The following PARD3 variants were observed in gnomAD, a reference collection of about 807,000 sequenced individuals.
The protein encoded by PARD3 is par-3 family cell polarity regulator.
A neutral mutation model predicts 155.4 loss-of-function variants in PARD3; 75 were observed. That is an observed-to-expected ratio of 0.48 (90% CI 0.40 to 0.58). The LOEUF (loss-of-function observed/expected upper bound fraction) is 0.58. PARD3 is among the 20% of genes least tolerant of loss of function. PARD3 has a pLI of 0.00. For synonymous variants in PARD3, 576 were observed against 610.5 expected, an observed-to-expected ratio of 0.94 and a Z score of 0.83; for missense variants, 1,642 against 1,721.7, an observed-to-expected ratio of 0.95 and a Z score of 0.82.
intron 1 of PARD3, among the ~76,000 whole-genome samples, chr10:34,773,845 T>C (rs1027763765): frequency 6.6e-6 from 1 of 152,134 alleles, no homozygotes; most frequent in Non-Finnish European, 1.5e-5. Context: ...CATAATTGTT[T>C]TGCATTTTCA....
chr10:34,268,419 C>T (rs1369163765), intron 22 of PARD3, among the ~76,000 whole-genome samples: 2 of 144,072 alleles, frequency 1.4e-5, no homozygotes, highest in African/African-American at 5.4e-5. Flanking sequence ...CCCAGCCATC[C>T]TATTACTGGG....
intron 19 of PARD3, among the ~76,000 whole-genome samples, chr10:34,320,668 T>C (rs765097708): frequency 2.0e-5 from 3 of 152,228 alleles, no homozygotes; most frequent in Non-Finnish European, 2.9e-5. Context: ...TAACACAACT[T>C]ATTTTCTAAA....
intron 8 of PARD3, among the ~76,000 whole-genome samples, chr10:34,383,137 A>G (rs909389072): frequency 6.6e-6 from 1 of 152,192 alleles, no homozygotes; most frequent in Admixed American, 6.5e-5. Context: ...TCTCAATAAA[A>G]ATAGAAAAAT....
intron 2 of PARD3, among the ~76,000 whole-genome samples, chr10:34,666,095 C>T (rs2093463555): frequency 1.3e-5 from 2 of 152,040 alleles, no homozygotes; most frequent in East Asian, 1.9e-4. Flanking sequence ...TGGCATATGC[C>T]TGTAGTCCCA....
intron 1 of PARD3, among the ~76,000 whole-genome samples, chr10:34,706,757 T>G (rs1372216085): frequency 6.6e-6 from 1 of 151,808 alleles, no homozygotes; most frequent in Non-Finnish European, 1.5e-5. Context: ...TGAAACCTTG[T>G]CCCAAAAATC....
chr10:34,407,195 T>C (rs188754500), intron 5 of PARD3, among the ~76,000 whole-genome samples: 1 of 152,350 alleles, frequency 6.6e-6, no homozygotes, highest in African/African-American at 2.4e-5. Flanking sequence ...TATTCTGAAA[T>C]GCCTGCCAAG....
intron 22 of PARD3, among the ~76,000 whole-genome samples, chr10:34,220,462 G>C (rs890791057): frequency 2.0e-5 from 3 of 152,182 alleles, no homozygotes; most frequent in African/African-American, 7.2e-5. Context: ...ACACCCCAGA[G>C]TGCATTTTAC....
intron 22 of PARD3, among the ~76,000 whole-genome samples, chr10:34,169,832 C>T (rs971470698): frequency 2.0e-5 from 3 of 152,264 alleles, no homozygotes; most frequent in Admixed American, 2.0e-4. Context: ...GCCTGGGGTT[C>T]TCTCTCTAAG....
intron 22 of PARD3, among the ~76,000 whole-genome samples, chr10:34,161,136 T>C (rs1184206551): frequency 6.6e-6 from 1 of 150,924 alleles, no homozygotes; most frequent in African/African-American, 2.4e-5. Flanking sequence ...TTCCAGCTAC[T>C]TGGGAGGCTG....
chr10:34,518,418 G>A (rs2081926173), intron 2 of PARD3, among the ~76,000 whole-genome samples: 1 of 152,142 alleles, frequency 6.6e-6, no homozygotes, highest in Non-Finnish European at 1.5e-5. Context: ...TTTCAGGGCT[G>A]TGGTCAGGGA....
chr10:34,382,686 TGA>T lies in PARD3; in HGVS notation c.1251_1252del (p.His418LeufsTer6). The stretch of plus-strand genomic sequence containing the variant: ...GTGTGCGCTATGAGGTAGTCTTGAG[TGA>T]GAGTCTATCTGCTCAGGCGGGTGGT... On this transcript the variant is annotated frameshift_variant, in exon 9 of 25. Coordinates refer to ENST00000374788, the MANE Select transcript of PARD3 (RefSeq NM_001184785.2). LOFTEE classifies it high-confidence loss of function. 6.2e-7 allele frequency: 1 copy of T among 1,614,074 alleles called. No homozygotes were observed. The highest frequency in any genetic ancestry group is 8.5e-7 in the Non-Finnish European group (1 of 1,180,028).
chr10:34,497,787 A>G (rs903103574), intron 3 of PARD3, among the ~76,000 whole-genome samples: 4 of 152,216 alleles, frequency 2.6e-5, no homozygotes, highest in African/African-American at 9.6e-5. Flanking sequence ...CCTCAACTCA[A>G]TTTACTTAGA....
At chr10:34,605,111 T>C (rs2090121208) in intron 2 of PARD3, among the ~76,000 whole-genome samples, 1 of 151,376 alleles carries the variant, frequency 6.6e-6, no homozygotes, top group African/African-American at 2.4e-5. Flanking sequence ...TAGGGTGGTG[T>C]AAAAATAATC....
At chr10:34,692,203 G>C (rs910008017) in intron 2 of PARD3, among the ~76,000 whole-genome samples, 4 of 147,286 alleles carry the variant, frequency 2.7e-5, no homozygotes, top group Non-Finnish European at 4.4e-5. Flanking sequence ...TTGCACTCCA[G>C]CCTGGGTGAT....
intron 22 of PARD3, among the ~76,000 whole-genome samples, chr10:34,233,150 C>G (rs1269714197): frequency 6.8e-6 from 1 of 147,880 alleles, no homozygotes; most frequent in Non-Finnish European, 1.5e-5. Flanking sequence ...CTTCAGCCTA[C>G]TACCCCATCA....
In PARD3 at chr10:34,334,850, C is replaced by T. The variant is rs190303656; in HGVS notation, c.2605+1349G>A. On this transcript the variant is annotated intron_variant, in intron 18 of 24. Coordinates refer to ENST00000374788, the MANE Select transcript of PARD3 (RefSeq NM_001184785.2). ...ATGACTTTCCATGAAAGTTATCTAA[C>T]GCACTGAGTTATAACTTGGATATCA... Among the ~76,000 whole-genome samples, 21 of 151,800 alleles carry T rather than the reference C, an allele frequency of 1.4e-4. No individual in the cohort carries two copies. In the East Asian group the frequency reaches 1.7e-3, roughly 13 times the overall value.
intron 22 of PARD3, among the ~76,000 whole-genome samples, chr10:34,209,892 A>G (rs1420686841): frequency 6.6e-6 from 1 of 152,262 alleles, no homozygotes; most frequent in Non-Finnish European, 1.5e-5. Flanking sequence ...ATTTATGGAT[A>G]GAAATCCAAA....
At chr10:34,169,826 G>C (rs1949705035) in intron 22 of PARD3, among the ~76,000 whole-genome samples, 1 of 152,168 alleles carries the variant, frequency 6.6e-6, no homozygotes, top group South Asian at 2.1e-4. Flanking sequence ...ACCTCTGCCT[G>C]GGGTTCTCTC....
chr10:34,421,629 T>C (rs1401978713), intron 5 of PARD3, among the ~76,000 whole-genome samples: 2 of 152,168 alleles, frequency 1.3e-5, no homozygotes, highest in Non-Finnish European at 2.9e-5. Flanking sequence ...TATTTGTGAA[T>C]TCAGAGAGAA....
Sources: allele counts gnomAD v4.1 joint callset (sites outside exome capture counted in the v4.1 genomes callset), GRCh38; gene constraint gnomAD v4.1.1; transcripts MANE v1.5; gene names NCBI Gene and HGNC (gene_info 2026-07-23, HGNC 2026-07-21).